The following KCNQ5 variants were observed in gnomAD, a reference collection of about 807,000 sequenced individuals.
The protein encoded by KCNQ5 is potassium voltage-gated channel subfamily KQT member 5.
In KCNQ5, 30 loss-of-function variants were observed where a neutral mutation model predicts 98.2. The observed-to-expected ratio is 0.31, with a 90% CI of 0.23 to 0.41. The LOEUF is 0.41. Among genes scored for constraint, KCNQ5 ranks in the 10% least tolerant of loss-of-function variants. The pLI is 1.00. For missense variants in KCNQ5, 835 were observed against 1,182.5 expected, an observed-to-expected ratio of 0.71 and a Z score of 4.31; for synonymous variants, 458 against 449.4, an observed-to-expected ratio of 1.02 and a Z score of -0.24.
chr6:73,150,773 CATTAATT>C lies in KCNQ5; in HGVS notation c.1468+17138_1468+17144del, dbSNP rs537305040. Among the ~76,000 whole-genome samples the C allele has an allele frequency of 3.0e-3, 458 of 151,230 alleles. 1 individual carries two copies. The highest frequency in any genetic ancestry group is 4.5e-3 in the Non-Finnish European group (307 of 67,864). On this transcript the variant is annotated intron_variant, in intron 10 of 13. Coordinates refer to ENST00000370398, the MANE Select transcript of KCNQ5 (RefSeq NM_019842.4). ...ATACCAATCCCAAAAGATCACATAT[CATTAATT>C]ATTAAGTATTACTGTATACATTAAT...
In KCNQ5 at chr6:73,190,608, A is replaced by G; in HGVS notation, c.1613A>G (p.Lys538Arg). Residue 538 changes from lysine to arginine, a missense_variant, in exon 12 of 14, where the codon AAG becomes AGG. Physicochemically the swap from Lys to Arg is conservative, Grantham distance 26. Around this residue, in one of 10 missense-constraint regions of KCNQ5, gnomAD observed 146 missense variants for 256.7 expected, o/e 0.57. Coordinates refer to ENST00000370398, the MANE Select transcript of KCNQ5 (RefSeq NM_019842.4). ...MKFHVAKRKF[K>R]ETLRPYDVKD... ...TTTCATGTTGCAAAACGGAAGTTTA[A>G]GGAAACATTACGTCCATATGATGTA... 1 of 1,556,866 alleles carries G rather than the reference A, an allele frequency of 6.4e-7. No individual in the cohort carries two copies. The highest frequency in any genetic ancestry group is 8.8e-7 in the Non-Finnish European group (1 of 1,140,646).
intron 1 of KCNQ5, among the ~76,000 whole-genome samples, chr6:72,661,441 C>G (rs1442718458): frequency 6.6e-6 from 1 of 152,010 alleles, no homozygotes; most frequent in East Asian, 1.9e-4. Flanking sequence ...AGGAGGTACT[C>G]TAGAAAAATA....
At chr6:72,715,996 A>G (rs937367426) in intron 1 of KCNQ5, among the ~76,000 whole-genome samples, 1 of 152,170 alleles carries the variant, frequency 6.6e-6, no homozygotes, top group Non-Finnish European at 1.5e-5. Context: ...GCCAGTGATA[A>G]TATTATAGAG....
At chr6:72,799,855 C>T (rs997785333) in intron 1 of KCNQ5, among the ~76,000 whole-genome samples, 8 of 152,140 alleles carry the variant, frequency 5.3e-5, no homozygotes, top group African/African-American at 1.9e-4. Flanking sequence ...TCATAAAACT[C>T]TTCCAAATAG....
chr6:72,703,914 A>T lies in KCNQ5; in HGVS notation c.398+81327A>T, dbSNP rs538696758. On this transcript the variant is annotated intron_variant, in intron 1 of 13. Transcript: ENST00000370398. ...AAAATGAGATTTTTAGAAAGGGAAAATTCATTAAATAGTTTACTTGTGGCT... is the reference window on the plus strand; with the variant it reads ...AAAATGAGATTTTTAGAAAGGGAAATTTCATTAAATAGTTTACTTGTGGCT... Among the ~76,000 whole-genome samples the T allele has an allele frequency of 2.8e-4, 42 of 152,328 alleles. 1 individual carries two copies. In the South Asian group the frequency reaches 5.8e-3, roughly 21 times the overall value.
intron 1 of KCNQ5, among the ~76,000 whole-genome samples, chr6:72,828,014 C>T (rs544619922): frequency 6.6e-6 from 1 of 152,020 alleles, no homozygotes; most frequent in East Asian, 1.9e-4. Flanking sequence ...GTTCTAGGAA[C>T]CTTTATTAAA....
intron 1 of KCNQ5, among the ~76,000 whole-genome samples, chr6:72,946,650 G>C (rs1475369826): frequency 6.6e-6 from 1 of 152,152 alleles, no homozygotes; most frequent in Non-Finnish European, 1.5e-5. Context: ...AGAAGCCAAA[G>C]ACACATTTAT....
intron 6 of KCNQ5, 21 bp downstream of exon 6, chr6:73,105,388 A>G: frequency 4.0e-6 from 6 of 1,487,754 alleles, no homozygotes; most frequent in Non-Finnish European, 5.6e-6. Context: ...TTGCACCAAT[A>G]AAGCAGTTTA....
intron 10 of KCNQ5, among the ~76,000 whole-genome samples, chr6:73,167,424 C>A (rs1379891370): frequency 1.3e-5 from 2 of 152,186 alleles, no homozygotes; most frequent in African/African-American, 4.8e-5. Flanking sequence ...GGCTTTGGAG[C>A]CTCAGGGAAC....
intron 1 of KCNQ5, among the ~76,000 whole-genome samples, chr6:72,711,215 C>G (rs1264843777): frequency 6.6e-6 from 1 of 151,896 alleles, no homozygotes; most frequent in Admixed American, 6.6e-5. Context: ...AGAGAAAAGA[C>G]CATGTGAGTA....
intron 1 of KCNQ5, among the ~76,000 whole-genome samples, chr6:72,756,492 T>G (rs1771978102): frequency 6.6e-6 from 1 of 152,338 alleles, no homozygotes; most frequent in South Asian, 2.1e-4. Context: ...TATATGATCT[T>G]AATTGTTAAT....
At chr6:72,923,723 T>G (rs1780506299) in intron 1 of KCNQ5, among the ~76,000 whole-genome samples, 1 of 152,224 alleles carries the variant, frequency 6.6e-6, no homozygotes. Flanking sequence ...TAGTCTGCAG[T>G]GTCTACTGTT....
At chr6:72,853,065 G>A (rs936415826) in intron 1 of KCNQ5, among the ~76,000 whole-genome samples, 1 of 152,032 alleles carries the variant, frequency 6.6e-6, no homozygotes, top group African/African-American at 2.4e-5. Context: ...ATAATTAGTA[G>A]CACACCACCA....
chr6:72,804,717 T>C (rs1163672776), intron 1 of KCNQ5, among the ~76,000 whole-genome samples: 3 of 152,190 alleles, frequency 2.0e-5, no homozygotes, highest in Non-Finnish European at 4.4e-5. Flanking sequence ...GCTCTATTTG[T>C]AGTTTTTTGA....
At position 72,880,876 on chromosome 6, in the gene KCNQ5, G is replaced by C. The variant is rs113294123; in HGVS notation, c.399-123032G>C. ...GTTTCTTGTCTTATTGCTTTTACTA[G>C]AATGTCCAGTACAGCGTTAAGTGGT... On this transcript the variant is annotated intron_variant, in intron 1 of 13. Transcript: ENST00000370398. 8.3e-3 allele frequency among the ~76,000 whole-genome samples: 1,258 copies of C among 152,126 alleles called. 33 individuals carry two copies. The highest frequency in any genetic ancestry group is 0.029 in the African/African-American group (1,188 of 41,508).
intron 1 of KCNQ5, among the ~76,000 whole-genome samples, chr6:72,870,482 A>T (rs993307589): frequency 3.3e-5 from 5 of 151,966 alleles, no homozygotes; most frequent in African/African-American, 1.2e-4. Flanking sequence ...GACTCCTGGG[A>T]TCAAATGATC....
In KCNQ5 at chr6:73,187,792, T is replaced by C. The variant is rs148699336; in HGVS notation, c.1578-2781T>C. 1.3e-3 allele frequency among the ~76,000 whole-genome samples: 201 copies of C among 152,350 alleles called. 1 individual carries two copies. Among genetic ancestry groups the C allele is most frequent in the African/African-American group, 4.6e-3 (193 of 41,582 alleles). On this transcript the variant is annotated intron_variant, in intron 11 of 13. Coordinates refer to ENST00000370398, the MANE Select transcript of KCNQ5 (RefSeq NM_019842.4). ...AATTATTTAAGGTTTGCATAAACTATGACTGCGTGAGTGCTAGAGTGCAAT... is the reference window on the plus strand; with the variant it reads ...AATTATTTAAGGTTTGCATAAACTACGACTGCGTGAGTGCTAGAGTGCAAT...
At chr6:72,794,368 A>G (rs76819274) in intron 1 of KCNQ5, among the ~76,000 whole-genome samples, 1,654 of 152,212 alleles carry the variant, frequency 0.011, 21 homozygotes, top group Middle Eastern at 0.051. Context: ...AAATCCTAAA[A>G]CTGAGAGATA....
chr6:72,951,212 G>A (rs1017174719), intron 1 of KCNQ5, among the ~76,000 whole-genome samples: 1 of 152,036 alleles, frequency 6.6e-6, no homozygotes, highest in African/African-American at 2.4e-5. Flanking sequence ...AAATTATTCT[G>A]TTAAATTAAT....
Sources: allele counts gnomAD v4.1 joint callset (sites outside exome capture counted in the v4.1 genomes callset), GRCh38; gene constraint gnomAD v4.1.1; regional missense constraint gnomAD v4.1.1; transcripts MANE v1.5; gene names NCBI Gene and HGNC (gene_info 2026-07-23, HGNC 2026-07-21).